Variants in ARAP1 observed in about 807,000 individuals in gnomAD.
ARAP1 encodes arf-GAP with Rho-GAP domain, ANK repeat and PH domain-containing protein 1.
In ARAP1, 76 loss-of-function variants were observed where a neutral mutation model predicts 172.2. The observed-to-expected ratio is 0.44, with a 90% CI of 0.37 to 0.53. The LOEUF (loss-of-function observed/expected upper bound fraction) is 0.53. Ranked by LOEUF, ARAP1 falls within the 20% of genes least tolerant of loss-of-function variation. The pLI, the probability that ARAP1 is intolerant of heterozygous loss-of-function variation, is 0.00. For synonymous variants in ARAP1, 804 were observed against 803.3 expected, an observed-to-expected ratio of 1.00 and a Z score of -0.01; for missense variants, 1,686 against 1,977.5, an observed-to-expected ratio of 0.85 and a Z score of 2.80.
intron 13 of ARAP1, chr11:72,705,562 CT>C (rs933605727): frequency 2.1e-4 from 102 of 478,464 alleles, no homozygotes; most frequent in Admixed American, 5.8e-4. Flanking sequence ...CATTTTCTTC[CT>C]TTTTTTTTCT....
chr11:72,704,418 G>A (rs1442712482), intron 13 of ARAP1, 84 bp from the exon 14 acceptor site: 2 of 1,402,378 alleles, frequency 1.4e-6, no homozygotes, highest in Non-Finnish European at 1.9e-6. Flanking sequence ...GAGGTTGTTA[G>A]GAAAGGGGCT....
intron 15 of ARAP1, among the ~76,000 whole-genome samples, chr11:72,702,511 G>A (rs902360558): frequency 1.3e-5 from 2 of 152,186 alleles, no homozygotes; most frequent in Non-Finnish European, 2.9e-5. Context: ...GCCTAGGTGG[G>A]TGACCCACCC....
rs747918910 is a variant in ARAP1 at position 72,697,528 on chromosome 11, C to CCCA, written c.2790-45_2790-43dup. ...CAGTCACTGAGGGGCCTACACCTAT[C>CCCA]CCACCCTGTCCCCAGGCCCATCAGA... On this transcript the variant is annotated intron_variant, in intron 20 of 34. Transcript: ENST00000393609. The CCCA allele has an allele frequency of 2.4e-5, 38 of 1,612,790 alleles. 2 individuals carry two copies. The South Asian group carries it at 4.1e-4, about 17-fold the overall frequency.
In ARAP1 at chr11:72,725,306, C is replaced by CTCTCTCTCTCTCTTTT. The variant is rs1160127033; in HGVS notation, c.509+1298_509+1313dup. The stretch of plus-strand genomic sequence containing the variant: ...CTTCTCTCTTCTAACCTCTCTCTCT[C>CTCTCTCTCTCTCTTTT]TCTCTCTCTCTCTTTTTCTCTCTCT... On this transcript the variant is annotated intron_variant, in intron 3 of 34. Coordinates refer to ENST00000393609, the MANE Select transcript of ARAP1 (RefSeq NM_001040118.3). The surrounding 1 kb of genome is among the most constrained non-coding windows in gnomAD (Gnocchi z 4.3). Among the ~76,000 whole-genome samples, 1 of 151,956 alleles carries CTCTCTCTCTCTCTTTT rather than the reference C, an allele frequency of 6.6e-6. No individual in the cohort carries two copies. Among genetic ancestry groups the CTCTCTCTCTCTCTTTT allele is most frequent in the Admixed American group, 6.6e-5 (1 of 15,260 alleles).
intron 2 of ARAP1, 71 bp from the exon 3 acceptor site, chr11:72,727,243 A>G: frequency 1.5e-6 from 2 of 1,302,002 alleles, no homozygotes; most frequent in South Asian, 3.0e-5. Flanking sequence ...AGCAGCCTGC[A>G]TGGCTCTCTC....
chr11:72,707,124 T>C (rs895200608), intron 12 of ARAP1, 51 bp downstream of exon 12: 52 of 1,484,704 alleles, frequency 3.5e-5, no homozygotes, highest in Non-Finnish European at 4.3e-5. Context: ...CCATCCCAAC[T>C]GGCCAACCCC....
At chr11:72,733,023 G>A (rs1051338868) in intron 1 of ARAP1, among the ~76,000 whole-genome samples, 3 of 152,066 alleles carry the variant, frequency 2.0e-5, no homozygotes, top group Admixed American at 6.6e-5. Flanking sequence ...GGAAGAGGTG[G>A]AAGAAGAGGA....
At chr11:72,717,682 G>A (rs1351342341) in intron 3 of ARAP1, among the ~76,000 whole-genome samples, 2 of 152,228 alleles carry the variant, frequency 1.3e-5, no homozygotes, top group Admixed American at 6.5e-5. Flanking sequence ...TTAATTGTGT[G>A]TATGCGTGTC....
At chr11:72,705,052 A>G (rs796519075) in intron 13 of ARAP1, 24 of 152,472 alleles carry the variant, frequency 1.6e-4, no homozygotes, top group African/African-American at 5.1e-4. Flanking sequence ...TAATTAACAT[A>G]TGCAAAGTCC....
chr11:72,737,126 G>T lies in ARAP1; in HGVS notation c.-127-4529C>A, dbSNP rs113562414. Among the ~76,000 whole-genome samples the T allele has an allele frequency of 8.3e-3, 1,257 of 152,194 alleles. 29 individuals carry two copies. Among genetic ancestry groups the T allele is most frequent in the African/African-American group, 0.028 (1,161 of 41,492 alleles). On this transcript the variant is annotated intron_variant, in intron 1 of 34. Coordinates refer to ENST00000393609, the MANE Select transcript of ARAP1 (RefSeq NM_001040118.3). ...TCGGCACTGCTTCTGCTCTCTCTTT[G>T]GTTGCTTGTTTTGTGGGGGTCCACC...
At chr11:72,735,774 TC>T (rs766014849) in intron 1 of ARAP1, among the ~76,000 whole-genome samples, 58 of 152,280 alleles carry the variant, frequency 3.8e-4, no homozygotes, top group Non-Finnish European at 6.3e-4. Context: ...TCTCTCAAGT[TC>T]CTATTCCTGC....
chr11:72,697,869 AG>A, intron 19 of ARAP1, 41 bp downstream of exon 19: 1 of 1,523,590 alleles, frequency 6.6e-7, no homozygotes, highest in African/African-American at 1.4e-5. Flanking sequence ...AGCCCAGGAT[AG>A]GGTGCCCTGG....
At position 72,726,479 on chromosome 11, in the gene ARAP1, G is replaced by C. The variant is rs1019331140; in HGVS notation, c.509+141C>G. ...TCCTGAGTCACCAGACAGCAATCCT[G>C]TCCTCCGAGCTTTGCACACGCTGTT... On this transcript the variant is annotated intron_variant, in intron 3 of 34. Transcript: ENST00000393609. The surrounding 1 kb of genome is among the most constrained non-coding windows in gnomAD (Gnocchi z 6.5). 7 of 1,161,710 alleles carry C rather than the reference G, an allele frequency of 6.0e-6. No individual in the cohort carries two copies. In the African/African-American group the frequency reaches 1.1e-4, roughly 18 times the overall value. The allele number at this position is 1,161,710 out of a possible 1,614,324, so 72.0% of individuals were successfully genotyped here.
At chr11:72,703,189 C>T in intron 14 of ARAP1, 110 bp from the exon 15 acceptor site, 1 of 1,100,574 alleles carries the variant, frequency 9.1e-7, no homozygotes, top group Non-Finnish European at 1.3e-6. Flanking sequence ...AGGCCTGGAG[C>T]AGTCCATCCT....
intron 12 of ARAP1, among the ~76,000 whole-genome samples, 183 bp from the exon 13 acceptor site, chr11:72,706,073 C>G: frequency 6.6e-6 from 1 of 152,188 alleles, no homozygotes; most frequent in South Asian, 2.1e-4. Flanking sequence ...CAGGACTGAG[C>G]CCCGTAATCC....
chr11:72,712,727 C>G, intron 5 of ARAP1, 159 bp from the exon 6 acceptor site: 1 of 1,201,944 alleles, frequency 8.3e-7, no homozygotes. Flanking sequence ...CAGCGGAGAC[C>G]ACACAGAGAC....
rs139788811 is a variant in ARAP1 at position 72,706,264 on chromosome 11, G to C, written c.1724-374C>G. Among the ~76,000 whole-genome samples the C allele has an allele frequency of 2.0e-4, 31 of 152,216 alleles. No homozygotes were observed. In the East Asian group the frequency reaches 6.0e-3, roughly 29 times the overall value. ...AGAATTAGATCACAACTCCTTACCT[G>C]CTTCCCCTCCTTCATCTTTCTACCC... On this transcript the variant is annotated intron_variant, in intron 12 of 34. Transcript: ENST00000393609.
chr11:72,743,171 C>G (rs1465383913), intron 1 of ARAP1, among the ~76,000 whole-genome samples: 3 of 152,248 alleles, frequency 2.0e-5, no homozygotes, highest in African/African-American at 7.2e-5. Context: ...AACTGAGAGG[C>G]ACAGACTTTG....
In ARAP1 at chr11:72,707,302, C is replaced by T. The variant is rs1317149906; in HGVS notation, c.1596G>A (p.Leu532=). The T allele has an allele frequency of 1.2e-6, 2 of 1,613,658 alleles. No homozygotes were observed. The highest frequency in any genetic ancestry group is 1.7e-6 in the Non-Finnish European group (2 of 1,179,964). ...TGCGCTCGGCCACCTCCGAGGTAGA[C>T]AGGGCCTCAGCGATGGCTCCCTGCA... ...EAMQGAIAEA[L]STSEVAERIW... The change falls in exon 12 of 35, where the codon CTG becomes CTA. Residue 532 remains leucine (L), a synonymous_variant. Transcript: ENST00000393609.
Sources: allele counts gnomAD v4.1 joint callset (sites outside exome capture counted in the v4.1 genomes callset), GRCh38; gene constraint gnomAD v4.1.1; non-coding constraint Gnocchi (gnomAD v3.1); transcripts MANE v1.5; gene names NCBI Gene and HGNC (gene_info 2026-07-23, HGNC 2026-07-21).